Variants in CADM1 observed in about 807,000 individuals in gnomAD.
CADM1 encodes the protein cell adhesion molecule 1, also known as TSLC-1.
A neutral mutation model predicts 53.1 loss-of-function variants in CADM1; 15 were observed. The observed-to-expected ratio is 0.28, with a 90% CI of 0.19 to 0.44. The LOEUF (loss-of-function observed/expected upper bound fraction) is 0.44. Ranked by LOEUF, CADM1 falls within the 20% of genes least tolerant of loss-of-function variation. The pLI is 1.00. For synonymous variants in CADM1, 281 were observed against 243.0 expected (o/e 1.16, Z -1.45); for missense variants, 434 against 611.3 (o/e 0.71, Z 3.06).
chr11:115,198,343 C>T, intron 9 of CADM1, 63 bp downstream of exon 9: 2 of 1,274,002 alleles, frequency 1.6e-6, no homozygotes, highest in South Asian at 1.3e-5. Context: ...TTCTCTTTTT[C>T]CCAGGCTTGC....
At chr11:115,450,258 G>A (rs1198200679) in intron 1 of CADM1, among the ~76,000 whole-genome samples, 1 of 152,128 alleles carries the variant, frequency 6.6e-6, no homozygotes, top group Non-Finnish European at 1.5e-5. Flanking sequence ...ATAAAATACT[G>A]GTCCGCACAG....
Position 115,328,747 on chromosome 11 carries a change from T to TAG in CADM1, c.125-88329_125-88328dup, listed in dbSNP as rs1555067055. 1.7e-3 allele frequency among the ~76,000 whole-genome samples: 222 copies of TAG among 130,112 alleles called. 7 individuals carry two copies. The highest frequency in any genetic ancestry group is 5.6e-3 in the African/African-American group (203 of 36,460). The allele number at this position is 130,112 out of a possible 152,430, so 85.4% of individuals were successfully genotyped here. On this transcript the variant is annotated intron_variant, in intron 1 of 11. Transcript: ENST00000331581. ...ATATGTATATACATATATATATATA[T>TAG]AGAATCCAATCTCTTTTGGGGGGAC...
At chr11:115,347,372 T>G (rs1945608406) in intron 1 of CADM1, among the ~76,000 whole-genome samples, 1 of 152,178 alleles carries the variant, frequency 6.6e-6, no homozygotes, top group Admixed American at 6.5e-5. Flanking sequence ...GTTGTTTTCA[T>G]CTCCCCACTT....
At chr11:115,300,227 G>GA (rs1036709981) in intron 1 of CADM1, among the ~76,000 whole-genome samples, 3 of 152,214 alleles carry the variant, frequency 2.0e-5, no homozygotes, top group African/African-American at 7.2e-5. Context: ...CTGAAGATGA[G>GA]AATTTTCAAG....
chr11:115,410,073 CT>C (rs1223962699), intron 1 of CADM1, among the ~76,000 whole-genome samples: 19 of 152,362 alleles, frequency 1.2e-4, no homozygotes, highest in African/African-American at 4.6e-4. Context: ...AAATTATACA[CT>C]GTTAGTTATT....
chr11:115,501,499 T>C (rs946107001), intron 1 of CADM1, among the ~76,000 whole-genome samples: 5 of 152,306 alleles, frequency 3.3e-5, no homozygotes, highest in African/African-American at 1.2e-4. Flanking sequence ...AACAACATCA[T>C]GCATGCACCT....
At chr11:115,254,779 G>C (rs967153137) in intron 1 of CADM1, among the ~76,000 whole-genome samples, 4 of 152,112 alleles carry the variant, frequency 2.6e-5, no homozygotes, top group African/African-American at 9.7e-5. Context: ...GCTCTGAATA[G>C]AGACAAGAAG....
intron 3 of CADM1, among the ~76,000 whole-genome samples, chr11:115,233,096 A>G (rs903843372): frequency 1.3e-5 from 2 of 152,174 alleles, no homozygotes; most frequent in African/African-American, 4.8e-5. Context: ...AGTAAAAGTA[A>G]AATGATTTGT....
chr11:115,327,400 T>C (rs1182069648), intron 1 of CADM1, among the ~76,000 whole-genome samples: 1 of 152,218 alleles, frequency 6.6e-6, no homozygotes, highest in Non-Finnish European at 1.5e-5. Context: ...AGGAGCCTAA[T>C]ACCTGTTTAT....
At chr11:115,476,412 TTTGA>T (rs947423187) in intron 1 of CADM1, among the ~76,000 whole-genome samples, 21 of 152,166 alleles carry the variant, frequency 1.4e-4, no homozygotes, top group Admixed American at 6.6e-4. Context: ...GATTTGTTTG[TTTGA>T]TTGTTTGTTT....
At chr11:115,192,729 G>A (rs949425991) in intron 9 of CADM1, among the ~76,000 whole-genome samples, 1 of 151,988 alleles carries the variant, frequency 6.6e-6, no homozygotes, top group Non-Finnish European at 1.5e-5. Context: ...CCTCGGGGAG[G>A]GCATTAGAAA....
Position 115,398,076 on chromosome 11 carries a change from T to C in CADM1, c.124+106195A>G, listed in dbSNP as rs1947048219. On this transcript the variant is annotated intron_variant, in intron 1 of 11. Coordinates refer to ENST00000331581, the MANE Select transcript of CADM1 (RefSeq NM_001301043.2). ...AATCTACTCATAAACCAGTAAACAC[T>C]TGACTAAGATCAACAGCTCCTTGGT... Among the ~76,000 whole-genome samples, 3 of 152,142 alleles carry C rather than the reference T, an allele frequency of 2.0e-5. No homozygotes were observed. In the South Asian group the frequency reaches 6.2e-4, roughly 32 times the overall value.
chr11:115,460,503 G>A (rs540180377), intron 1 of CADM1, among the ~76,000 whole-genome samples: 6 of 152,190 alleles, frequency 3.9e-5, no homozygotes, highest in African/African-American at 9.6e-5. Flanking sequence ...TTAACCTTTC[G>A]CTACTGGATT....
intron 1 of CADM1, among the ~76,000 whole-genome samples, chr11:115,263,868 T>C (rs1943048745): frequency 6.6e-6 from 1 of 152,176 alleles, no homozygotes; most frequent in African/African-American, 2.4e-5. Flanking sequence ...AGAGGAATAG[T>C]AGTACGTTGT....
At chr11:115,461,083 C>T (rs1310425561) in intron 1 of CADM1, among the ~76,000 whole-genome samples, 3 of 151,912 alleles carry the variant, frequency 2.0e-5, no homozygotes, top group African/African-American at 7.3e-5. Flanking sequence ...GGGTTCCTAA[C>T]GTGTACCTGG....
At chr11:115,417,418 C>T (rs143780424) in intron 1 of CADM1, among the ~76,000 whole-genome samples, 315 of 152,284 alleles carry the variant, frequency 2.1e-3, no homozygotes, top group African/African-American at 7.1e-3. Flanking sequence ...CCTGAAACTC[C>T]GGATATACCA....
chr11:115,260,398 C>A (rs371165441), intron 1 of CADM1, among the ~76,000 whole-genome samples: 1 of 152,220 alleles, frequency 6.6e-6, no homozygotes, highest in African/African-American at 2.4e-5. Context: ...ATTGGTTGTA[C>A]GCTGGATGTA....
intron 1 of CADM1, among the ~76,000 whole-genome samples, chr11:115,297,854 T>C (rs983493036): frequency 5.3e-5 from 8 of 152,160 alleles, no homozygotes; most frequent in African/African-American, 1.9e-4. Flanking sequence ...AACTAACTCT[T>C]GGTTATGTAG....
In CADM1 at chr11:115,309,850, A is replaced by G. The variant is rs139670302; in HGVS notation, c.125-69430T>C. Among the ~76,000 whole-genome samples the G allele has an allele frequency of 9.0e-3, 1,373 of 152,296 alleles. 14 individuals are homozygous for G. The highest frequency in any genetic ancestry group is 0.014 in the Middle Eastern group (4 of 294). On this transcript the variant is annotated intron_variant, in intron 1 of 11. Coordinates refer to ENST00000331581, the MANE Select transcript of CADM1 (RefSeq NM_001301043.2). Reference sequence around the variant, plus strand: ...GAATTACTGAGCACTTTCTATGTGCATAGCATGGTGCTAAATTCTACTGAT... The same window carrying G: ...GAATTACTGAGCACTTTCTATGTGCGTAGCATGGTGCTAAATTCTACTGAT...
Sources: gnomAD v4.1 joint callset for allele counts (sites outside exome capture counted in the v4.1 genomes callset) on GRCh38, gnomAD v4.1.1 for gene constraint, MANE v1.5 for transcripts, NCBI Gene and HGNC (gene_info 2026-07-23, HGNC 2026-07-21) for gene names.